Variants in DMRT1 observed in about 807,000 individuals in gnomAD.
DMRT1 encodes doublesex and mab-3 related transcription factor 1.
In DMRT1, 7 loss-of-function variants were observed where a neutral mutation model predicts 32.3. The observed-to-expected ratio is 0.22, with a 90% CI of 0.12 to 0.41. The LOEUF (loss-of-function observed/expected upper bound fraction) is 0.41, where lower values mean the gene tolerates loss of function less well. DMRT1 is among the 10% of genes least tolerant of loss of function. The pLI is 1.00. For missense variants in DMRT1, 625 were observed against 500.5 expected, an observed-to-expected ratio of 1.25 and a Z score of -2.37; for synonymous variants, 278 against 206.1, an observed-to-expected ratio of 1.35 and a Z score of -2.99.
chr9:967,099 A>C (rs947535230), intron 4 of DMRT1, among the ~76,000 whole-genome samples: 1 of 152,210 alleles, frequency 6.6e-6, no homozygotes, highest in African/African-American at 2.4e-5. Context: ...ACCAATCAGG[A>C]AGTTAATGAG....
At position 870,880 on chromosome 9, in the gene DMRT1, T is replaced by C. The variant is rs190790015; in HGVS notation, c.539-23032T>C. Reference sequence around the variant, plus strand: ...GTGCACACCGCCAAGTGTGGCTAATTTTTTTTGTGTGTATGTAGAAACAGG... The same window carrying C: ...GTGCACACCGCCAAGTGTGGCTAATCTTTTTTGTGTGTATGTAGAAACAGG... On this transcript the variant is annotated intron_variant, in intron 2 of 4. Transcript: ENST00000382276. Among the ~76,000 whole-genome samples the C allele has an allele frequency of 7.4e-4, 112 of 151,812 alleles. 1 individual carries two copies. The highest frequency in any genetic ancestry group is 1.4e-3 in the Non-Finnish European group (95 of 67,924).
chr9:843,966 T>C (rs1055250040), intron 1 of DMRT1, among the ~76,000 whole-genome samples: 2 of 151,292 alleles, frequency 1.3e-5, no homozygotes, highest in Admixed American at 1.3e-4. Flanking sequence ...GGCAGTAAAA[T>C]GCATCACAAT....
intron 3 of DMRT1, among the ~76,000 whole-genome samples, chr9:915,589 G>C (rs922246217): frequency 6.6e-6 from 1 of 152,098 alleles, no homozygotes; most frequent in Admixed American, 6.6e-5. Context: ...ATCACCTCCA[G>C]AATTCAGATC....
chr9:914,497 C>G (rs1818104133), intron 3 of DMRT1, among the ~76,000 whole-genome samples: 1 of 137,438 alleles, frequency 7.3e-6, no homozygotes, highest in South Asian at 2.4e-4. Flanking sequence ...TGACGTGAAC[C>G]TGGGAGGCGG....
At chr9:936,555 C>T (rs1209865823) in intron 4 of DMRT1, among the ~76,000 whole-genome samples, 1 of 152,036 alleles carries the variant, frequency 6.6e-6, no homozygotes, top group Non-Finnish European at 1.5e-5. Context: ...AGTTCGAGAC[C>T]AGCCTGGCCA....
chr9:904,942 CA>C (rs71327357), intron 3 of DMRT1, among the ~76,000 whole-genome samples: 5,192 of 135,330 alleles, frequency 0.038, 253 homozygotes, highest in African/African-American at 0.12. Context: ...AACTCCGTCT[CA>C]AAAAAAAAAA....
At chr9:878,492 C>A (rs1816602300) in intron 2 of DMRT1, among the ~76,000 whole-genome samples, 1 of 152,028 alleles carries the variant, frequency 6.6e-6, no homozygotes, top group African/African-American at 2.4e-5. Flanking sequence ...ACACATTGTT[C>A]CCGCATTTCC....
At chr9:922,992 A>G (rs968285532) in intron 4 of DMRT1, among the ~76,000 whole-genome samples, 2 of 152,098 alleles carry the variant, frequency 1.3e-5, no homozygotes, top group Non-Finnish European at 2.9e-5. Context: ...GTGCTCCCAA[A>G]TACAACTTTT....
At chr9:924,260 T>C (rs985252867) in intron 4 of DMRT1, among the ~76,000 whole-genome samples, 2 of 151,854 alleles carry the variant, frequency 1.3e-5, no homozygotes, top group East Asian at 1.9e-4. Context: ...TTAGTAGAGA[T>C]GGGGTTTCTA....
At chr9:929,846 C>A (rs981875760) in intron 4 of DMRT1, among the ~76,000 whole-genome samples, 9 of 152,036 alleles carry the variant, frequency 5.9e-5, no homozygotes, top group African/African-American at 2.2e-4. Context: ...TCATTGAGTG[C>A]CAGTTAGTGT....
At chr9:946,174 C>T (rs1295626516) in intron 4 of DMRT1, among the ~76,000 whole-genome samples, 1 of 151,238 alleles carries the variant, frequency 6.6e-6, no homozygotes, top group African/African-American at 2.4e-5. Flanking sequence ...GCTGCCCTCT[C>T]CTTGTGCAAT....
intron 3 of DMRT1, among the ~76,000 whole-genome samples, chr9:913,841 C>G (rs906482087): frequency 6.6e-6 from 1 of 152,056 alleles, no homozygotes. Flanking sequence ...TGCAGTGAGC[C>G]GAGATTGTGC....
intron 3 of DMRT1, among the ~76,000 whole-genome samples, chr9:911,747 C>T (rs546283989): frequency 2.6e-5 from 4 of 152,134 alleles, no homozygotes. Flanking sequence ...TCACCACAGC[C>T]TTCCAAAATG....
intron 3 of DMRT1, chr9:894,469 T>G: frequency 2.0e-6 from 1 of 510,978 alleles, no homozygotes; most frequent in East Asian, 3.5e-5. Flanking sequence ...ATGTACAAAC[T>G]TGTTTTCTTT....
chr9:853,146 T>A (rs187997637), intron 2 of DMRT1, among the ~76,000 whole-genome samples: 47 of 152,290 alleles, frequency 3.1e-4, no homozygotes, highest in Non-Finnish European at 5.7e-4. Context: ...GAGATTTTTT[T>A]TATATACTCC....
chr9:942,544 A>T (rs1819110629), intron 4 of DMRT1, among the ~76,000 whole-genome samples: 1 of 152,150 alleles, frequency 6.6e-6, no homozygotes, highest in African/African-American at 2.4e-5. Flanking sequence ...AGGTTTTGGG[A>T]TTACAGGTGT....
At chr9:862,751 A>G (rs1041475513) in intron 2 of DMRT1, among the ~76,000 whole-genome samples, 2 of 151,774 alleles carry the variant, frequency 1.3e-5, no homozygotes, top group Non-Finnish European at 2.9e-5. Context: ...GGTGTTGTCA[A>G]TGGTATTCCC....
At chr9:893,819 G>A in intron 2 of DMRT1, 93 bp from the exon 3 acceptor site, 2 of 1,169,928 alleles carry the variant, frequency 1.7e-6, no homozygotes, top group Non-Finnish European at 2.5e-6. Flanking sequence ...CAGCTACCTT[G>A]CTCCGCAGGT....
intron 4 of DMRT1, among the ~76,000 whole-genome samples, chr9:943,197 C>T (rs941475970): frequency 6.6e-6 from 1 of 152,200 alleles, no homozygotes; most frequent in East Asian, 1.9e-4. Flanking sequence ...AGATTCAGGG[C>T]TTTCTGCAGA....
Sources: allele counts gnomAD v4.1 joint callset (sites outside exome capture counted in the v4.1 genomes callset), GRCh38; gene constraint gnomAD v4.1.1; transcripts MANE v1.5; gene names NCBI Gene and HGNC (gene_info 2026-07-23, HGNC 2026-07-21).